Variants in ELF2 observed in about 807,000 individuals in gnomAD.
The protein encoded by ELF2 is E74 like ETS transcription factor 2.
A neutral mutation model predicts 54.8 loss-of-function variants in ELF2; 11 were observed. The observed-to-expected ratio is 0.20, with a 90% CI of 0.13 to 0.33. The LOEUF (loss-of-function observed/expected upper bound fraction) is 0.33. Ranked by LOEUF, ELF2 falls within the 10% of genes least tolerant of loss-of-function variation. The pLI, the probability that ELF2 is intolerant of heterozygous loss-of-function variation, is 1.00. For synonymous variants in ELF2, 203 were observed against 245.1 expected (o/e 0.83, Z 1.61); for missense variants, 513 against 703.0 (o/e 0.73, Z 3.06).
intron 1 of ELF2, among the ~76,000 whole-genome samples, chr4:139,164,825 C>T (rs1741563551): frequency 6.6e-6 from 1 of 152,194 alleles, no homozygotes; most frequent in South Asian, 2.1e-4. Flanking sequence ...TTGGCTTTTA[C>T]TGATGTGTCT....
At chr4:139,159,967 C>A (rs1233926540) in intron 1 of ELF2, among the ~76,000 whole-genome samples, 3 of 152,140 alleles carry the variant, frequency 2.0e-5, no homozygotes, top group Non-Finnish European at 4.4e-5. Context: ...CAAGTTAAGG[C>A]AATGACTTTG....
chr4:139,095,662 C>A (rs961300339), intron 4 of ELF2, among the ~76,000 whole-genome samples: 10 of 152,104 alleles, frequency 6.6e-5, no homozygotes, highest in African/African-American at 2.4e-4. Context: ...TAATATATAG[C>A]CATCTTTGCC....
At chr4:139,161,350 C>T (rs996983847) in intron 1 of ELF2, among the ~76,000 whole-genome samples, 3 of 152,046 alleles carry the variant, frequency 2.0e-5, no homozygotes, top group Non-Finnish European at 4.4e-5. Flanking sequence ...TTTGTTTCTG[C>T]TAAATGTTTT....
chr4:139,150,450 T>C (rs149743590), intron 1 of ELF2, among the ~76,000 whole-genome samples: 36 of 149,438 alleles, frequency 2.4e-4, no homozygotes, highest in Middle Eastern at 3.5e-3. Context: ...GCCCAGGAGA[T>C]TGAGGCTGCA....
At chr4:139,128,061 G>A (rs1018672893) in intron 3 of ELF2, among the ~76,000 whole-genome samples, 2 of 151,772 alleles carry the variant, frequency 1.3e-5, no homozygotes, top group Admixed American at 1.3e-4. Context: ...CTTGAGCCCA[G>A]GAGTTCAAGA....
At chr4:139,114,912 C>T in intron 4 of ELF2, 1 of 1,612,374 alleles carries the variant, frequency 6.2e-7, no homozygotes, top group South Asian at 1.1e-5. Flanking sequence ...AACCACCGTT[C>T]TCCTGGGTCG....
At chr4:139,156,166 CT>C (rs547658041) in intron 1 of ELF2, among the ~76,000 whole-genome samples, 15 of 147,876 alleles carry the variant, frequency 1.0e-4, no homozygotes, top group Non-Finnish European at 1.2e-4. Context: ...TACATATATT[CT>C]TTTTTTTTTG....
At chr4:139,113,679 A>G (rs949790333) in intron 4 of ELF2, among the ~76,000 whole-genome samples, 5 of 151,982 alleles carry the variant, frequency 3.3e-5, no homozygotes, top group Admixed American at 2.6e-4. Flanking sequence ...ACATGGTGAA[A>G]GCCCGTCTCT....
At chr4:139,084,335 A>C in intron 4 of ELF2, 1 of 1,540,236 alleles carries the variant, frequency 6.5e-7, no homozygotes, top group Non-Finnish European at 8.7e-7. Flanking sequence ...CGACGCCCGG[A>C]TCCTTGCGCG....
chr4:139,115,128 G>A, intron 4 of ELF2: 2 of 1,613,668 alleles, frequency 1.2e-6, no homozygotes, highest in South Asian at 2.2e-5. Context: ...GGCAGTCGTA[G>A]AGGCGCGTGA....
chr4:139,091,370 T>C (rs185748299), intron 4 of ELF2, among the ~76,000 whole-genome samples: 39 of 151,764 alleles, frequency 2.6e-4, no homozygotes, highest in Admixed American at 2.4e-3. Context: ...AGTAAAGAAA[T>C]AAAAGGTTTA....
At position 139,059,203 on chromosome 4, in the gene ELF2, G is replaced by A. The variant is rs1186958584; in HGVS notation, c.1562C>T (p.Thr521Ile). 11 of 1,613,972 alleles carry A rather than the reference G, an allele frequency of 6.8e-6. No individual in the cohort carries two copies. Among genetic ancestry groups the A allele is most frequent in the Non-Finnish European group, 9.3e-6 (11 of 1,179,874 alleles). The change falls in exon 10 of 10, where the codon ACT (threonine) becomes ATT (isoleucine). Residue 521 changes from threonine (T) to isoleucine (I), a missense_variant. By Grantham distance (89) the Thr-to-Ile change is moderately conservative (BLOSUM62 -1). Transcript: ENST00000686138. ...GACTGCACTGATAACTCGAGGAGGA[G>A]TCTGGCCAGATGCCTGCTGAGTAGG... ...SMPTQQASGQTPPRVISAVIK... is the reference protein window; with the variant it reads ...SMPTQQASGQIPPRVISAVIK...
chr4:139,170,564 C>A (rs1467971630), intron 1 of ELF2, among the ~76,000 whole-genome samples: 1 of 150,040 alleles, frequency 6.7e-6, no homozygotes, highest in Non-Finnish European at 1.5e-5. Context: ...GCCCAGCCAC[C>A]AATTTTTTAA....
Position 139,125,148 on chromosome 4 carries a change from T to G in ELF2, c.238+16A>C. ...TGAGAAAGTTATAAATAATGAACAT[T>G]TTATGAGATGTCTACCTGTTTCCAC... On this transcript the variant is annotated intron_variant, in intron 4 of 9. Transcript: ENST00000686138. 6 of 1,592,574 alleles carry G rather than the reference T, an allele frequency of 3.8e-6. No homozygotes were observed. Among genetic ancestry groups the G allele is most frequent in the Non-Finnish European group, 5.1e-6 (6 of 1,172,918 alleles).
chr4:139,171,483 T>G (rs995940568), intron 1 of ELF2, among the ~76,000 whole-genome samples: 1 of 151,838 alleles, frequency 6.6e-6, no homozygotes, highest in Non-Finnish European at 1.5e-5. Context: ...CAAAAAAAAA[T>G]TGCAACTTCG....
chr4:139,114,366 C>T (rs188907761), intron 4 of ELF2, among the ~76,000 whole-genome samples: 1 of 152,094 alleles, frequency 6.6e-6, no homozygotes, highest in East Asian at 1.9e-4. Context: ...GTCAGGAGAT[C>T]GAGACCATTC....
intron 1 of ELF2, among the ~76,000 whole-genome samples, chr4:139,143,858 A>T (rs1477428658): frequency 6.6e-6 from 1 of 152,170 alleles, no homozygotes; most frequent in East Asian, 1.9e-4. Flanking sequence ...GTGACCACAC[A>T]TGCCCAGGCT....
chr4:139,081,362 A>T lies in ELF2; in HGVS notation c.239-7795T>A, dbSNP rs3805210. Among the ~76,000 whole-genome samples, 14 of 152,302 alleles carry T rather than the reference A, an allele frequency of 9.2e-5. No homozygotes were observed. The East Asian group carries it at 2.3e-3, about 25-fold the overall frequency. On this transcript the variant is annotated intron_variant, in intron 4 of 9. Coordinates refer to ENST00000686138, the MANE Select transcript of ELF2 (RefSeq NM_001331036.3). ...AAAAGCAAAAGTATATTCGAGCTTA[A>T]CATGTACCTTAACATGTAGCGACAG... is the stretch of plus-strand genomic sequence containing the variant.
At chr4:139,159,180 G>A (rs1229139648) in intron 1 of ELF2, among the ~76,000 whole-genome samples, 1 of 152,144 alleles carries the variant, frequency 6.6e-6, no homozygotes, top group African/African-American at 2.4e-5. Flanking sequence ...TGCCAGTCCT[G>A]GGCAGGGGCA....
Sources: allele counts gnomAD v4.1 joint callset (sites outside exome capture counted in the v4.1 genomes callset), GRCh38; gene constraint gnomAD v4.1.1; transcripts MANE v1.5; gene names NCBI Gene and HGNC (gene_info 2026-07-23, HGNC 2026-07-21).